Variants in SHCBP1L observed in about 807,000 individuals in gnomAD.
The protein encoded by SHCBP1L is testicular spindle-associated protein SHCBP1L.
Under a neutral mutation model 62.5 loss-of-function variants are expected in SHCBP1L, and 67 were observed. The ratio of observed to expected loss-of-function variants is 1.07; its 90% CI spans 0.88 to 1.31. SHCBP1L has a LOEUF of 1.31. SHCBP1L is among the 40% of genes most tolerant of loss of function. SHCBP1L has a pLI of 0.00. For missense variants in SHCBP1L, 823 were observed against 809.8 expected (o/e 1.02, Z -0.20); for synonymous variants, 284 against 289.4 (o/e 0.98, Z 0.19).
In SHCBP1L at chr1:182,908,466, G is replaced by T. The variant is rs1445505004; in HGVS notation, c.1183-2817C>A. ...ACATGATTTCATTCTTTTTATGGCT[G>T]CATAGTATTCCATGGTGTACATGTA... is the stretch of plus-strand genomic sequence containing the variant. On this transcript the variant is annotated intron_variant, in intron 6 of 9. Coordinates refer to ENST00000367547, the MANE Select transcript of SHCBP1L (RefSeq NM_030933.4). Among the ~76,000 whole-genome samples, 5 of 152,246 alleles carry T rather than the reference G, an allele frequency of 3.3e-5. No homozygotes were observed. The East Asian group carries it at 7.7e-4, about 23-fold the overall frequency.
chr1:182,913,552 C>T (rs1335534109), intron 6 of SHCBP1L, among the ~76,000 whole-genome samples: 1 of 152,150 alleles, frequency 6.6e-6, no homozygotes, highest in Non-Finnish European at 1.5e-5. Context: ...AGAAAAAATA[C>T]TTGAAAACGT....
intron 6 of SHCBP1L, among the ~76,000 whole-genome samples, chr1:182,910,532 C>T (rs1650145643): frequency 6.6e-6 from 1 of 152,018 alleles, no homozygotes; most frequent in Non-Finnish European, 1.5e-5. Flanking sequence ...CCCATAGATG[C>T]CTAGCGCAAA....
intron 6 of SHCBP1L, among the ~76,000 whole-genome samples, chr1:182,924,883 G>A (rs1249619950): frequency 7.7e-6 from 1 of 129,090 alleles, no homozygotes; most frequent in Non-Finnish European, 1.6e-5. Context: ...AAGGAAGGAA[G>A]GGAAAGACAA....
chr1:182,946,420 A>G (rs1357204667), intron 2 of SHCBP1L, among the ~76,000 whole-genome samples: 1 of 143,894 alleles, frequency 6.9e-6, no homozygotes, highest in Non-Finnish European at 1.5e-5. Context: ...TTTTTTTTTT[A>G]GCATATGATC....
At position 182,904,481 on chromosome 1, in the gene SHCBP1L, G is replaced by A. The variant is rs763436792; in HGVS notation, c.1337-51C>T. 8.2e-6 allele frequency: 13 copies of A among 1,590,728 alleles called. No individual in the cohort carries two copies. In the Admixed American group the frequency reaches 2.2e-4, roughly 27 times the overall value. On this transcript the variant is annotated intron_variant, in intron 7 of 9. Transcript: ENST00000367547. ...TAAATCAGTAATCTCCCATTTTAAG[G>A]CCCTTTATTGTCATTCAACAATACT... is the stretch of plus-strand genomic sequence containing the variant.
chr1:182,919,191 G>A (rs1479533452), intron 6 of SHCBP1L, among the ~76,000 whole-genome samples: 1 of 152,218 alleles, frequency 6.6e-6, no homozygotes, highest in Non-Finnish European at 1.5e-5. Context: ...GCTACAGACT[G>A]TGTAATTTAT....
chr1:182,917,256 G>T (rs1650383183), intron 6 of SHCBP1L, among the ~76,000 whole-genome samples: 1 of 152,014 alleles, frequency 6.6e-6, no homozygotes, highest in Non-Finnish European at 1.5e-5. Flanking sequence ...ATATTTAAAA[G>T]GTTATACATG....
chr1:182,900,484 G>A (rs908268983), intron 9 of SHCBP1L, among the ~76,000 whole-genome samples: 11 of 152,000 alleles, frequency 7.2e-5, no homozygotes, highest in African/African-American at 2.7e-4. Flanking sequence ...CCAGGCTGGA[G>A]TGCAATGACA....
intron 5 of SHCBP1L, among the ~76,000 whole-genome samples, chr1:182,931,624 T>C (rs754877103): frequency 6.6e-6 from 1 of 152,132 alleles, no homozygotes; most frequent in South Asian, 2.1e-4. Flanking sequence ...TCAGAGCAGT[T>C]TCAGATTTTC....
chr1:182,917,944 G>A (rs1369040867), intron 6 of SHCBP1L, among the ~76,000 whole-genome samples: 4 of 151,724 alleles, frequency 2.6e-5, no homozygotes, highest in Non-Finnish European at 5.9e-5. Context: ...GTTCAACATT[G>A]AACCAGACGT....
chr1:182,923,811 C>G (rs547990372), intron 6 of SHCBP1L, among the ~76,000 whole-genome samples: 51 of 152,208 alleles, frequency 3.4e-4, no homozygotes, highest in East Asian at 1.7e-3. Context: ...GGAAGCGTTC[C>G]CCTTGAAAAA....
intron 2 of SHCBP1L, among the ~76,000 whole-genome samples, chr1:182,946,884 G>A (rs535140918): frequency 7.2e-5 from 11 of 152,194 alleles, no homozygotes; most frequent in Admixed American, 2.0e-4. Flanking sequence ...TGTTTTACAC[G>A]TTGATGTTTC....
intron 5 of SHCBP1L, among the ~76,000 whole-genome samples, chr1:182,930,027 C>G (rs1650907494): frequency 6.6e-6 from 1 of 152,148 alleles, no homozygotes; most frequent in Non-Finnish European, 1.5e-5. Context: ...CCTCAGCTAC[C>G]TCAACCTTCC....
chr1:182,920,276 G>GC (rs1399852826), intron 6 of SHCBP1L, among the ~76,000 whole-genome samples: 2 of 152,114 alleles, frequency 1.3e-5, no homozygotes, highest in South Asian at 4.1e-4. Context: ...CCTGGTACCA[G>GC]CCCCCCAGGG....
chr1:182,919,792 A>G (rs1352509801), intron 6 of SHCBP1L, among the ~76,000 whole-genome samples: 2 of 152,122 alleles, frequency 1.3e-5, no homozygotes, highest in Non-Finnish European at 2.9e-5. Context: ...CTATGGATCC[A>G]TGTTTCTTAT....
At chr1:182,902,988 T>C (rs1449628351) in intron 9 of SHCBP1L, 51 bp downstream of exon 9, 3 of 1,401,374 alleles carry the variant, frequency 2.1e-6, no homozygotes, top group African/African-American at 1.5e-5. Context: ...TTAGTACTTA[T>C]AATTACTTAC....
At chr1:182,932,913 CT>C (rs1042214123) in intron 5 of SHCBP1L, among the ~76,000 whole-genome samples, 1 of 150,892 alleles carries the variant, frequency 6.6e-6, no homozygotes, top group African/African-American at 2.4e-5. Context: ...TAGCAATTTA[CT>C]TTTTTTTTGG....
chr1:182,930,547 GTGTGTATATATATATATATATATATATA>G (rs1186992726), intron 5 of SHCBP1L, among the ~76,000 whole-genome samples: 33 of 92,832 alleles, frequency 3.6e-4, no homozygotes, highest in African/African-American at 1.3e-3. Flanking sequence ...GCTTTAGTGT[GTGTGTATATATATATATATATATATATA>G]TATATATATA....
At chr1:182,911,520 A>C (rs929427008) in intron 6 of SHCBP1L, among the ~76,000 whole-genome samples, 1 of 152,232 alleles carries the variant, frequency 6.6e-6, no homozygotes, top group Admixed American at 6.5e-5. Context: ...ACTATCCCTG[A>C]GGAAGCCCAG....
Sources: gnomAD v4.1 joint callset for allele counts (sites outside exome capture counted in the v4.1 genomes callset) on GRCh38, gnomAD v4.1.1 for gene constraint, MANE v1.5 for transcripts, NCBI Gene and HGNC (gene_info 2026-07-23, HGNC 2026-07-21) for gene names.